The following DLC1 variants were observed in gnomAD, a reference collection of about 807,000 sequenced individuals.
DLC1 encodes the protein rho GTPase-activating protein 7.
A neutral mutation model predicts 140.3 loss-of-function variants in DLC1; 54 were observed. The ratio of observed to expected loss-of-function variants is 0.38; its 90% CI spans 0.31 to 0.48. The LOEUF (loss-of-function observed/expected upper bound fraction) is 0.48, where lower values mean the gene tolerates loss of function less well. DLC1 is among the 20% of genes least tolerant of loss of function. The pLI is 0.96. For missense variants in DLC1, 2,536 were observed against 1,907.0 expected, an observed-to-expected ratio of 1.33 and a Z score of -6.14; for synonymous variants, 986 against 728.1, an observed-to-expected ratio of 1.35 and a Z score of -5.70.
At chr8:13,211,641 A>G (rs980542544) in intron 5 of DLC1, among the ~76,000 whole-genome samples, 1 of 152,208 alleles carries the variant, frequency 6.6e-6, no homozygotes, top group African/African-American at 2.4e-5. Flanking sequence ...ATCAGTTGTC[A>G]ACAAATGCTA....
intron 4 of DLC1, among the ~76,000 whole-genome samples, chr8:13,338,120 T>C (rs746756518): frequency 6.6e-6 from 1 of 152,166 alleles, no homozygotes; most frequent in Non-Finnish European, 1.5e-5. Context: ...GAACCTGGAC[T>C]GGCTGCAATT....
chr8:13,400,415 G>T (rs1420905216), intron 3 of DLC1, among the ~76,000 whole-genome samples: 1 of 152,124 alleles, frequency 6.6e-6, no homozygotes, highest in Non-Finnish European at 1.5e-5. Flanking sequence ...AGAAAGTCAG[G>T]TATAATGCTG....
intron 2 of DLC1, among the ~76,000 whole-genome samples, chr8:13,438,552 G>A (rs543005184): frequency 6.6e-5 from 10 of 152,134 alleles, no homozygotes; most frequent in Non-Finnish European, 1.2e-4. Flanking sequence ...AAGTTGTTGC[G>A]ATCTGGCCGT....
At chr8:13,581,715 T>C (rs62493202) in intron 1 of DLC1, among the ~76,000 whole-genome samples, 2,594 of 152,320 alleles carry the variant, frequency 0.017, 37 homozygotes, top group Middle Eastern at 0.027. Flanking sequence ...ATCAGATTAC[T>C]GGGCAGAATC....
intron 4 of DLC1, among the ~76,000 whole-genome samples, chr8:13,330,084 C>T (rs1833525189): frequency 6.6e-6 from 1 of 152,188 alleles, no homozygotes; most frequent in Non-Finnish European, 1.5e-5. Flanking sequence ...CCCACCTCAA[C>T]TTCCTCAGTA....
chr8:13,147,522 G>C (rs1424070907), intron 5 of DLC1, among the ~76,000 whole-genome samples: 2 of 152,278 alleles, frequency 1.3e-5, no homozygotes, highest in East Asian at 1.9e-4. Flanking sequence ...ATATTTCACA[G>C]TTCTGGAGCG....
intron 1 of DLC1, among the ~76,000 whole-genome samples, chr8:13,528,026 T>G (rs527480849): frequency 5.3e-5 from 8 of 152,136 alleles, no homozygotes; most frequent in Non-Finnish European, 8.8e-5. Flanking sequence ...AGTGTAAACA[T>G]GTTGGTTTAC....
chr8:13,092,209 C>T (rs894345151), intron 13 of DLC1, among the ~76,000 whole-genome samples: 2 of 152,160 alleles, frequency 1.3e-5, no homozygotes, highest in Non-Finnish European at 2.9e-5. Flanking sequence ...CGTGCCATTG[C>T]CCTCCAGCCT....
chr8:13,193,436 TC>T (rs1331815710), intron 5 of DLC1, among the ~76,000 whole-genome samples: 3 of 152,140 alleles, frequency 2.0e-5, no homozygotes, highest in Non-Finnish European at 2.9e-5. Flanking sequence ...TTAGTAGGAA[TC>T]CACCACACCT....
intron 2 of DLC1, among the ~76,000 whole-genome samples, chr8:13,489,604 A>G (rs1801145118): frequency 6.6e-6 from 1 of 151,724 alleles, no homozygotes; most frequent in East Asian, 1.9e-4. Flanking sequence ...ACTGTGCCAT[A>G]GAGAGATTAA....
At chr8:13,405,922 T>TTTCTTTCC (rs1442458062) in intron 2 of DLC1, among the ~76,000 whole-genome samples, 29 of 87,456 alleles carry the variant, frequency 3.3e-4, no homozygotes, top group African/African-American at 1.1e-3. Flanking sequence ...TTTTCTTTTC[T>TTTCTTTCC]TTCTTTCTTT....
intron 1 of DLC1, among the ~76,000 whole-genome samples, chr8:13,562,735 C>A (rs1023707123): frequency 2.6e-5 from 4 of 152,100 alleles, no homozygotes; most frequent in African/African-American, 9.7e-5. Context: ...GAAAATATAT[C>A]TCCACAGATA....
intron 10 of DLC1, among the ~76,000 whole-genome samples, chr8:13,097,249 T>TTTATTATTATTA (rs149250885): frequency 0.048 from 7,079 of 146,950 alleles, 246 homozygotes; most frequent in African/African-American, 0.067. Flanking sequence ...CACATCCAAA[T>TTTATTATTATTA]TTATTATTAT....
chr8:13,330,829 C>T (rs928345835), intron 4 of DLC1, among the ~76,000 whole-genome samples: 1 of 152,192 alleles, frequency 6.6e-6, no homozygotes, highest in African/African-American at 2.4e-5. Context: ...CTGAACATGA[C>T]TCAAAATACC....
intron 1 of DLC1, among the ~76,000 whole-genome samples, chr8:13,574,253 A>G (rs1014493758): frequency 6.6e-6 from 1 of 152,166 alleles, no homozygotes; most frequent in African/African-American, 2.4e-5. Context: ...TGCATTTTTC[A>G]CTTTAAACAA....
At chr8:13,341,478 G>A (rs890517058) in intron 4 of DLC1, 47 of 152,296 alleles carry the variant, frequency 3.1e-4, no homozygotes, top group African/African-American at 1.1e-3. Flanking sequence ...GTTTGGGGCA[G>A]GGCCTGGGAA....
At chr8:13,498,160 G>A (rs1376932110) in intron 2 of DLC1, among the ~76,000 whole-genome samples, 2 of 152,138 alleles carry the variant, frequency 1.3e-5, no homozygotes, top group African/African-American at 4.8e-5. Context: ...AAAAATGCAG[G>A]GTTTCTTCCA....
intron 3 of DLC1, 150 bp downstream of exon 3, chr8:13,401,320 A>G (rs376409673): frequency 2.3e-6 from 2 of 885,820 alleles, no homozygotes; most frequent in African/African-American, 3.4e-5. Flanking sequence ...TGCATGATGC[A>G]TAGAAGTATT....
chr8:13,371,870 G>C (rs1322557230), intron 4 of DLC1, among the ~76,000 whole-genome samples: 1 of 152,060 alleles, frequency 6.6e-6, no homozygotes, highest in East Asian at 1.9e-4. Context: ...AATAATTATT[G>C]AATGAGTAAA....
Sources: allele counts gnomAD v4.1 joint callset (sites outside exome capture counted in the v4.1 genomes callset), GRCh38; gene constraint gnomAD v4.1.1; transcripts MANE v1.5; gene names NCBI Gene and HGNC (gene_info 2026-07-23, HGNC 2026-07-21).